Variants in COMMD10 observed in about 807,000 individuals in gnomAD.
The protein encoded by COMMD10 is COMM domain containing 10, also known as COMM domain-containing protein 10.
A neutral mutation model predicts 28.9 loss-of-function variants in COMMD10; 33 were observed. That is an observed-to-expected ratio of 1.14 (90% CI 0.87 to 1.53). COMMD10 has a LOEUF of 1.53. COMMD10 is among the 40% of genes most tolerant of loss of function. The probability of loss-of-function intolerance (pLI) is 0.00; values close to 1 mark genes in which losing one functional copy is unlikely to be tolerated. For synonymous variants in COMMD10, 110 were observed against 81.7 expected (o/e 1.35, Z -1.87); for missense variants, 310 against 233.4 (o/e 1.33, Z -2.14).
At chr5:116,167,687 TAAAG>T (rs1753177974) in intron 5 of COMMD10, among the ~76,000 whole-genome samples, 1 of 152,050 alleles carries the variant, frequency 6.6e-6, no homozygotes, top group East Asian at 1.9e-4. Context: ...TCAACACTCT[TAAAG>T]AAAAGAATTT....
chr5:116,090,869 G>C (rs1276400423), intron 2 of COMMD10, among the ~76,000 whole-genome samples: 1 of 152,204 alleles, frequency 6.6e-6, no homozygotes, highest in Non-Finnish European at 1.5e-5. Flanking sequence ...GTCACCACAA[G>C]ATATTTGTTT....
intron 4 of COMMD10, among the ~76,000 whole-genome samples, chr5:116,133,632 A>G (rs1419036809): frequency 6.6e-6 from 1 of 152,214 alleles, no homozygotes; most frequent in Non-Finnish European, 1.5e-5. Context: ...ACCTACGCAA[A>G]GATTTTGGAA....
intron 6 of COMMD10, among the ~76,000 whole-genome samples, chr5:116,291,943 G>A (rs535975416): frequency 2.0e-5 from 3 of 152,048 alleles, no homozygotes; most frequent in South Asian, 4.2e-4. Flanking sequence ...TTATCTGTGA[G>A]TATATTTCAT....
intron 5 of COMMD10, among the ~76,000 whole-genome samples, chr5:116,284,362 A>G (rs1477205438): frequency 1.3e-5 from 2 of 151,696 alleles, no homozygotes; most frequent in African/African-American, 2.4e-5. Flanking sequence ...GTGTGTATAT[A>G]TATGTATTTA....
chr5:116,196,342 G>C (rs922488465), intron 5 of COMMD10, among the ~76,000 whole-genome samples: 1 of 151,752 alleles, frequency 6.6e-6, no homozygotes, highest in Non-Finnish European at 1.5e-5. Flanking sequence ...TCGAGGACTT[G>C]GGGTGAAGAG....
At position 116,185,846 on chromosome 5, in the gene COMMD10, T is replaced by G. The variant is rs530641359; in HGVS notation, c.510+51668T>G. 1.3e-4 allele frequency among the ~76,000 whole-genome samples: 20 copies of G among 152,274 alleles called. No homozygotes were observed. The South Asian group carries it at 3.7e-3, about 28-fold the overall frequency. On this transcript the variant is annotated intron_variant, in intron 5 of 6. Coordinates refer to ENST00000274458, the MANE Select transcript of COMMD10 (RefSeq NM_016144.4). ...CCTTAATATTTTCATTATCTTCTTATCTTAGACTCTAATCACTTTACTCTC... is the reference window on the plus strand; with the variant it reads ...CCTTAATATTTTCATTATCTTCTTAGCTTAGACTCTAATCACTTTACTCTC...
At chr5:116,190,337 A>C (rs1748321257) in intron 5 of COMMD10, among the ~76,000 whole-genome samples, 1 of 152,174 alleles carries the variant, frequency 6.6e-6, no homozygotes, top group African/African-American at 2.4e-5. Flanking sequence ...TAATTAATGA[A>C]TGTACAGAGG....
chr5:116,117,680 G>A (rs1751286280), intron 4 of COMMD10, among the ~76,000 whole-genome samples: 1 of 151,960 alleles, frequency 6.6e-6, no homozygotes, highest in Admixed American at 6.6e-5. Context: ...TGGCCAGGCT[G>A]GTCTTGAACC....
At chr5:116,121,002 C>T (rs1021212847) in intron 4 of COMMD10, among the ~76,000 whole-genome samples, 1 of 151,758 alleles carries the variant, frequency 6.6e-6, no homozygotes, top group African/African-American at 2.4e-5. Flanking sequence ...TTTAATTATA[C>T]TTTAAGTTCT....
At chr5:116,112,298 T>C (rs914711486) in intron 4 of COMMD10, among the ~76,000 whole-genome samples, 2 of 152,218 alleles carry the variant, frequency 1.3e-5, no homozygotes, top group Admixed American at 1.3e-4. Flanking sequence ...TAGATTTTCG[T>C]TGGCCCATAA....
At chr5:116,175,223 A>G (rs1186869538) in intron 5 of COMMD10, among the ~76,000 whole-genome samples, 3 of 151,922 alleles carry the variant, frequency 2.0e-5, no homozygotes, top group African/African-American at 7.3e-5. Flanking sequence ...TTGTGTCTGT[A>G]TCACCTCACT....
chr5:116,260,949 T>C (rs1324774004), intron 5 of COMMD10, among the ~76,000 whole-genome samples: 1 of 151,786 alleles, frequency 6.6e-6, no homozygotes, highest in African/African-American at 2.4e-5. Context: ...TTTGTGAATG[T>C]TGAAAATTAC....
chr5:116,279,976 A>C (rs1163356283), intron 5 of COMMD10, among the ~76,000 whole-genome samples: 2 of 151,910 alleles, frequency 1.3e-5, no homozygotes, highest in African/African-American at 4.9e-5. Context: ...CATAGGTTCT[A>C]TGTATTATCT....
At chr5:116,105,214 A>T (rs1230500660) in intron 4 of COMMD10, among the ~76,000 whole-genome samples, 2 of 152,150 alleles carry the variant, frequency 1.3e-5, no homozygotes, top group Admixed American at 1.3e-4. Flanking sequence ...CTGTTGAGAT[A>T]ATCTTGTTGT....
At chr5:116,188,559 T>C (rs1449495884) in intron 5 of COMMD10, 1 of 152,002 alleles carries the variant, frequency 6.6e-6, no homozygotes, top group Admixed American at 6.6e-5. Flanking sequence ...GCACATGGTT[T>C]TTCTCTTTCT....
chr5:116,236,163 A>G (rs763132710), intron 5 of COMMD10, among the ~76,000 whole-genome samples: 1 of 152,140 alleles, frequency 6.6e-6, no homozygotes. Flanking sequence ...TCCAGAGGAT[A>G]AGTAAACTTG....
intron 5 of COMMD10, among the ~76,000 whole-genome samples, chr5:116,271,628 C>T (rs1313981743): frequency 1.3e-5 from 2 of 151,674 alleles, no homozygotes; most frequent in African/African-American, 4.9e-5. Flanking sequence ...GTCATCTGTG[C>T]TGCTGAAAAT....
intron 5 of COMMD10, among the ~76,000 whole-genome samples, chr5:116,279,307 T>A: frequency 6.6e-6 from 1 of 151,918 alleles, no homozygotes; most frequent in East Asian, 1.9e-4. Flanking sequence ...CATTCTTAAA[T>A]AGGTAATCAT....
rs115505592 is a variant in COMMD10 at position 116,257,711 on chromosome 5, C to T, written c.511-33806C>T. On this transcript the variant is annotated intron_variant, in intron 5 of 6. Coordinates refer to ENST00000274458, the MANE Select transcript of COMMD10 (RefSeq NM_016144.4). Reference sequence around the variant, plus strand: ...TCTTTTCAAAATTAGGTTAATTTTTCAGAAAGAAATAATATATCAAATAAA... The same window carrying T: ...TCTTTTCAAAATTAGGTTAATTTTTTAGAAAGAAATAATATATCAAATAAA... 7.6e-3 allele frequency among the ~76,000 whole-genome samples: 1,158 copies of T among 151,592 alleles called. 47 individuals carry two copies. The highest frequency in any genetic ancestry group is 0.027 in the African/African-American group (1,118 of 41,212).
Sources: allele counts gnomAD v4.1 joint callset (sites outside exome capture counted in the v4.1 genomes callset), GRCh38; gene constraint gnomAD v4.1.1; transcripts MANE v1.5; gene names NCBI Gene and HGNC (gene_info 2026-07-23, HGNC 2026-07-21).